The following GALNT2 variants were observed in gnomAD, a reference collection of about 807,000 sequenced individuals.
GALNT2 encodes the protein polypeptide N-acetylgalactosaminyltransferase 2.
GALNT2 carries 31 observed loss-of-function variants against 81.4 expected under a neutral mutation model. That is an observed-to-expected ratio of 0.38 (90% CI 0.29 to 0.51). GALNT2 has a LOEUF of 0.51. Among genes scored for constraint, GALNT2 ranks in the 20% least tolerant of loss-of-function variants. GALNT2 has a pLI of 0.87. For synonymous variants in GALNT2, 303 were observed against 287.4 expected, an observed-to-expected ratio of 1.05 and a Z score of -0.55; for missense variants, 629 against 765.7, an observed-to-expected ratio of 0.82 and a Z score of 2.11.
At chr1:230,101,421 G>A (rs1279212314) in intron 1 of GALNT2, among the ~76,000 whole-genome samples, 2 of 152,208 alleles carry the variant, frequency 1.3e-5, no homozygotes, top group East Asian at 1.9e-4. Context: ...CTGGTCACTC[G>A]TGTGCCCGTC....
At chr1:230,090,607 T>A (rs1660041651) in intron 1 of GALNT2, among the ~76,000 whole-genome samples, 1 of 152,226 alleles carries the variant, frequency 6.6e-6, no homozygotes, top group Non-Finnish European at 1.5e-5. Flanking sequence ...AATTTTCTGT[T>A]GGCAAATAAG....
intron 1 of GALNT2, among the ~76,000 whole-genome samples, chr1:230,127,182 ACCCTAAATCCTGCTGTGAG>A (rs1661211423): frequency 6.6e-6 from 1 of 150,500 alleles, no homozygotes; most frequent in African/African-American, 2.5e-5. Context: ...CTTTGCAGCA[ACCCTAAATCCTGCTGTGAG>A]CCCCGCCTGC....
At chr1:230,213,305 A>G (rs1311879985) in intron 3 of GALNT2, among the ~76,000 whole-genome samples, 1 of 152,216 alleles carries the variant, frequency 6.6e-6, no homozygotes, top group African/African-American at 2.4e-5. Flanking sequence ...ACCATTTACA[A>G]CAGAGCTCTG....
intron 1 of GALNT2, among the ~76,000 whole-genome samples, chr1:230,058,742 A>C (rs553185230): frequency 6.6e-6 from 1 of 152,322 alleles, no homozygotes; most frequent in South Asian, 2.1e-4. Flanking sequence ...GTCACAATTC[A>C]AGCCAAGCAA....
chr1:230,258,081 A>T (rs1000499859), intron 11 of GALNT2, among the ~76,000 whole-genome samples: 6 of 151,752 alleles, frequency 4.0e-5, no homozygotes, highest in Non-Finnish European at 8.8e-5. Flanking sequence ...TGCCCGGCTA[A>T]TTTTTGTATT....
At position 230,091,544 on chromosome 1, in the gene GALNT2, T is replaced by G. The variant is rs554267021; in HGVS notation, c.126+24138T>G. 4 of 152,352 alleles carry G rather than the reference T, an allele frequency of 2.6e-5. No individual in the cohort carries two copies. The South Asian group carries it at 8.3e-4, about 32-fold the overall frequency. The allele number at this position is 152,352 out of a possible 1,614,324, so 9.4% of individuals were successfully genotyped here. A position where few individuals can be genotyped will look rare whatever the true frequency, so the allele number is the denominator to read the frequency against. On this transcript the variant is annotated intron_variant, in intron 1 of 15. Coordinates refer to ENST00000366672, the MANE Select transcript of GALNT2 (RefSeq NM_004481.5). ...TCCTTAGGGTAGTGATGGAGATTGA[T>G]TTTTCAAAAATCCCAACATGTAATT...
chr1:230,187,215 A>G (rs1663363676), intron 2 of GALNT2, among the ~76,000 whole-genome samples: 1 of 152,136 alleles, frequency 6.6e-6, no homozygotes, highest in Non-Finnish European at 1.5e-5. Context: ...ACAGTCTCCA[A>G]TTTTCTGATC....
At chr1:230,229,147 C>T (rs1664800113) in intron 3 of GALNT2, among the ~76,000 whole-genome samples, 1 of 152,122 alleles carries the variant, frequency 6.6e-6, no homozygotes, top group African/African-American at 2.4e-5. Flanking sequence ...TGACAAAAAG[C>T]ATCATAAACA....
In GALNT2 at chr1:230,241,443, CGTTT is replaced by C. The variant is rs372451739; in HGVS notation, c.608-1844_608-1841del. ...TAGGATGAGTATGGTTTTTTTTTTT[CGTTT>C]GTTTGTTTGTTTGTTTGTGACAGCG... On this transcript the variant is annotated intron_variant, in intron 6 of 15. Transcript: ENST00000366672. 2.9e-4 allele frequency among the ~76,000 whole-genome samples: 42 copies of C among 144,140 alleles called. 1 individual carries two copies. Among genetic ancestry groups the C allele is most frequent in the Admixed American group, 1.7e-3 (24 of 14,420 alleles). The allele number at this position is 144,140 out of a possible 152,430, so 94.6% of individuals were successfully genotyped here.
chr1:230,253,209 T>C (rs1238943275), intron 10 of GALNT2, among the ~76,000 whole-genome samples: 1 of 152,222 alleles, frequency 6.6e-6, no homozygotes, highest in Non-Finnish European at 1.5e-5. Context: ...TCACTGCTTA[T>C]GCTTATGTGA....
In GALNT2 at chr1:230,237,225, C is replaced by T. The variant is rs116034171; in HGVS notation, c.607+500C>T. On this transcript the variant is annotated intron_variant, in intron 6 of 15. Coordinates refer to ENST00000366672, the MANE Select transcript of GALNT2 (RefSeq NM_004481.5). ...TCTGTCAGTCTTATCTGTGCTGGAG[C>T]TGAGCTCATGAGGACTCTTTTATTG... is the stretch of plus-strand genomic sequence containing the variant. Among the ~76,000 whole-genome samples the T allele has an allele frequency of 5.1e-3, 775 of 152,334 alleles. 6 individuals are homozygous for T. The highest frequency in any genetic ancestry group is 0.018 in the African/African-American group (740 of 41,578).
At chr1:230,247,391 C>A (rs1281519252) in intron 8 of GALNT2, among the ~76,000 whole-genome samples, 2 of 152,206 alleles carry the variant, frequency 1.3e-5, no homozygotes, top group Admixed American at 1.3e-4. Context: ...CTCAGCTTCC[C>A]CCTCTGGGAA....
intron 1 of GALNT2, among the ~76,000 whole-genome samples, chr1:230,123,938 T>G (rs1029611232): frequency 5.3e-5 from 8 of 152,204 alleles, no homozygotes; most frequent in Non-Finnish European, 1.0e-4. Context: ...TGAAAACACC[T>G]GGTTTTGGTT....
intron 12 of GALNT2, 43 bp downstream of exon 12, chr1:230,262,708 G>C: frequency 6.8e-7 from 1 of 1,469,146 alleles, no homozygotes; most frequent in Non-Finnish European, 9.5e-7. Flanking sequence ...GGGGATTCTT[G>C]GGGTGTGGGG....
chr1:230,097,526 T>G (rs925901528), intron 1 of GALNT2, among the ~76,000 whole-genome samples: 3 of 152,242 alleles, frequency 2.0e-5, no homozygotes, highest in Non-Finnish European at 4.4e-5. Context: ...CTCATTTCAC[T>G]TAACATAATG....
chr1:230,079,198 C>T (rs1238141818), intron 1 of GALNT2, among the ~76,000 whole-genome samples: 1 of 152,226 alleles, frequency 6.6e-6, no homozygotes, highest in Non-Finnish European at 1.5e-5. Context: ...GGCTATTTTA[C>T]GTGGTATTTG....
chr1:230,251,983 T>C (rs55931709), intron 10 of GALNT2, among the ~76,000 whole-genome samples: 1 of 152,112 alleles, frequency 6.6e-6, no homozygotes, highest in African/African-American at 2.4e-5. Context: ...TTCTAGGGTC[T>C]GAGCGGTTCA....
upstream of GALNT2, chr1:230,067,199 C>A (rs1398381215): frequency 6.9e-6 from 6 of 873,636 alleles, no homozygotes; most frequent in African/African-American, 3.6e-5. Context: ...CTCCGCTCCT[C>A]CCCCGGCCCC....
intron 3 of GALNT2, among the ~76,000 whole-genome samples, chr1:230,214,389 G>A (rs187155228): frequency 3.3e-4 from 50 of 152,306 alleles, no homozygotes; most frequent in Middle Eastern, 6.8e-3. Context: ...TGGGATTACA[G>A]GTGTGAGCCA....
Sources: gnomAD v4.1 joint callset for allele counts (sites outside exome capture counted in the v4.1 genomes callset) on GRCh38, gnomAD v4.1.1 for gene constraint, MANE v1.5 for transcripts, NCBI Gene and HGNC (gene_info 2026-07-23, HGNC 2026-07-21) for gene names.